RGS17: variants seen among roughly 807,000 people sequenced by gnomAD.
The protein encoded by RGS17 is regulator of G-protein signaling 17.
In RGS17, 12 loss-of-function variants were observed where a neutral mutation model predicts 25.5. The ratio of observed to expected loss-of-function variants is 0.47; its 90% CI spans 0.30 to 0.76. The LOEUF is 0.76. RGS17 is among the 30% of genes least tolerant of loss of function. RGS17 has a pLI of 0.07. For synonymous variants in RGS17, 71 were observed against 76.9 expected (o/e 0.92, Z 0.40); for missense variants, 196 against 242.2 (o/e 0.81, Z 1.27).
intron 1 of RGS17, among the ~76,000 whole-genome samples, chr6:153,083,114 A>G (rs1310852898): frequency 3.9e-5 from 6 of 152,180 alleles, no homozygotes; most frequent in Non-Finnish European, 8.8e-5. Context: ...GAAAGACTCA[A>G]AAAGACCGTA....
chr6:153,008,909 A>G lies in RGS17; in HGVS notation c.*2665T>C, dbSNP rs1288853933. 1.3e-5 allele frequency: 2 copies of G among 152,186 alleles called. No homozygotes were observed. Among genetic ancestry groups the G allele is most frequent in the African/African-American group, 4.8e-5 (2 of 41,456 alleles). 9.4% of individuals were successfully genotyped at this position (152,186 alleles called of 1,614,324 possible). A position where few individuals can be genotyped will look rare whatever the true frequency, so the allele number is the denominator to read the frequency against. ...TTAGTAGAGTTGCAAATATACAGACATACTCTTAAATGAGAAACCCTCCCC... is the reference window on the plus strand; with the variant it reads ...TTAGTAGAGTTGCAAATATACAGACGTACTCTTAAATGAGAAACCCTCCCC... On this transcript the variant is annotated 3_prime_UTR_variant, in exon 5 of 5. Coordinates refer to ENST00000206262, the MANE Select transcript of RGS17 (RefSeq NM_012419.5).
At chr6:153,089,567 T>C (rs1777098015) in intron 1 of RGS17, among the ~76,000 whole-genome samples, 1 of 152,054 alleles carries the variant, frequency 6.6e-6, no homozygotes, top group South Asian at 2.1e-4. Context: ...AAAATCTAAG[T>C]AGATGTGTTC....
At chr6:153,048,765 G>T (rs980077668) in intron 1 of RGS17, among the ~76,000 whole-genome samples, 1 of 152,116 alleles carries the variant, frequency 6.6e-6, no homozygotes, top group Non-Finnish European at 1.5e-5. Context: ...ATTTAAAAAT[G>T]AACTCCCTCA....
At chr6:153,127,222 C>T (rs2165732) in intron 1 of RGS17, among the ~76,000 whole-genome samples, 148 of 152,308 alleles carry the variant, frequency 9.7e-4, no homozygotes, top group Middle Eastern at 3.4e-3. Flanking sequence ...TCACCTCCTG[C>T]TGTGCTGCTG....
chr6:153,064,603 C>T (rs1209088204), intron 1 of RGS17, among the ~76,000 whole-genome samples: 1 of 150,740 alleles, frequency 6.6e-6, no homozygotes, highest in East Asian at 1.9e-4. Flanking sequence ...ACAGTCCAGC[C>T]TGGTCAACAG....
chr6:153,100,837 T>C (rs1777292393), intron 1 of RGS17, among the ~76,000 whole-genome samples: 1 of 152,214 alleles, frequency 6.6e-6, no homozygotes, highest in Non-Finnish European at 1.5e-5. Flanking sequence ...TCTCCAAGTT[T>C]TGGCCAAAGG....
Position 153,127,662 on chromosome 6 carries a change from A to G in RGS17, c.-26+3462T>C, listed in dbSNP as rs112288714. ...TTTTGTATCGTAGGGGATCTAAGAT[A>G]AGCAAATATAGAGCTTTTATAATTG... On this transcript the variant is annotated intron_variant, in intron 1 of 4. Coordinates refer to ENST00000206262, the MANE Select transcript of RGS17 (RefSeq NM_012419.5). Among the ~76,000 whole-genome samples the G allele has an allele frequency of 7.3e-3, 1,114 of 152,342 alleles. 11 individuals are homozygous for G. The highest frequency in any genetic ancestry group is 0.025 in the African/African-American group (1,059 of 41,572).
chr6:153,127,012 C>T (rs1777714102), intron 1 of RGS17, among the ~76,000 whole-genome samples: 1 of 152,142 alleles, frequency 6.6e-6, no homozygotes, highest in Admixed American at 6.5e-5. Flanking sequence ...CCACGGATGG[C>T]AGTGGGGGTG....
intron 1 of RGS17, among the ~76,000 whole-genome samples, chr6:153,108,543 G>A (rs1476719512): frequency 1.3e-5 from 2 of 151,796 alleles, no homozygotes; most frequent in African/African-American, 2.4e-5. Flanking sequence ...CAGATGCTAT[G>A]AGCCATATAT....
intron 2 of RGS17, 91 bp from the exon 3 acceptor site, chr6:153,026,634 G>C (rs890585920): frequency 3.4e-6 from 3 of 890,592 alleles, no homozygotes; most frequent in Non-Finnish European, 5.4e-6. Context: ...TTTCACAGGA[G>C]ATCTTATATT....
At chr6:153,091,334 G>C (rs1777127992) in intron 1 of RGS17, among the ~76,000 whole-genome samples, 1 of 152,118 alleles carries the variant, frequency 6.6e-6, no homozygotes, top group Non-Finnish European at 1.5e-5. Context: ...TGGCTAGTTT[G>C]GAGAACCATC....
chr6:153,019,727 G>A (rs1429398803), intron 4 of RGS17, among the ~76,000 whole-genome samples: 1 of 152,104 alleles, frequency 6.6e-6, no homozygotes, highest in African/African-American at 2.4e-5. Flanking sequence ...GGCCTCCCTA[G>A]AAGCTGAGCT....
chr6:153,125,774 G>A (rs1777696437), intron 1 of RGS17, among the ~76,000 whole-genome samples: 1 of 152,186 alleles, frequency 6.6e-6, no homozygotes, highest in Non-Finnish European at 1.5e-5. Flanking sequence ...AGCCCAGGGA[G>A]GTTGAGGCTA....
chr6:153,011,705 G>A lies in RGS17; in HGVS notation c.502C>T (p.Pro168Ser). 1 of 1,613,220 alleles carries A rather than the reference G, an allele frequency of 6.2e-7. No individual in the cohort carries two copies. The highest frequency in any genetic ancestry group is 1.1e-5 in the South Asian group (1 of 90,992). ...VINRNLLDPN[P>S]HMYEDAQLQI... ...AGTTGGGCATCTTCATACATGTGAG[G>A]ATTGGGATCCAACAGATTTCTATTG... The change falls in exon 5 of 5, where the codon CCT (proline) becomes TCT (serine). Residue 168 changes from proline to serine, a missense_variant. Pro to Ser is a moderately conservative substitution (Grantham distance 74, BLOSUM62 -1). Around this residue, in one of 2 missense-constraint regions of RGS17, gnomAD observed 179 missense variants for 197.6 expected, o/e 0.91. Transcript: ENST00000206262.
rs1562321405 is a variant in RGS17, at chr6:153,054,003, T to C, written c.-25-9960A>G. ...TATATATGTATATAATATATATACA[T>C]ATATACGTATATATGTATATAATAT... On this transcript the variant is annotated intron_variant, in intron 1 of 4. Coordinates refer to ENST00000206262, the MANE Select transcript of RGS17 (RefSeq NM_012419.5). Among the ~76,000 whole-genome samples the C allele has an allele frequency of 3.8e-4, 14 of 37,252 alleles. 1 individual carries two copies. Among genetic ancestry groups the C allele is most frequent in the Non-Finnish European group, 5.0e-5 (1 of 20,010 alleles). The allele number at this position is 37,252 out of a possible 152,430, so 24.4% of individuals were successfully genotyped here. A position where few individuals can be genotyped will look rare whatever the true frequency, so the allele number is the denominator to read the frequency against.
chr6:153,099,454 T>C (rs993889026), intron 1 of RGS17, among the ~76,000 whole-genome samples: 1 of 152,236 alleles, frequency 6.6e-6, no homozygotes, highest in Non-Finnish European at 1.5e-5. Flanking sequence ...TTATTTTTTT[T>C]ACCCTGCTAT....
intron 1 of RGS17, among the ~76,000 whole-genome samples, chr6:153,064,791 T>C (rs1776685581): frequency 6.6e-6 from 1 of 151,906 alleles, no homozygotes. Context: ...CAAACCAAAA[T>C]ACATACAATG....
intron 1 of RGS17, among the ~76,000 whole-genome samples, chr6:153,079,968 G>C (rs375808697): frequency 1.1e-4 from 17 of 151,944 alleles, no homozygotes; most frequent in African/African-American, 3.9e-4. Flanking sequence ...GAGACATTTA[G>C]ATTTTTCTGT....
chr6:153,042,420 A>G (rs1776333798), intron 2 of RGS17, among the ~76,000 whole-genome samples: 1 of 152,070 alleles, frequency 6.6e-6, no homozygotes, highest in African/African-American at 2.4e-5. Context: ...ATCTGACGAG[A>G]TCTGATGGTT....
Sources: gnomAD v4.1 joint callset for allele counts (sites outside exome capture counted in the v4.1 genomes callset) on GRCh38, gnomAD v4.1.1 for gene constraint, gnomAD v4.1.1 regional missense constraint, MANE v1.5 for transcripts, NCBI Gene and HGNC (gene_info 2026-07-23, HGNC 2026-07-21) for gene names.